Variants in ZNF385D observed in about 807,000 individuals in gnomAD.
ZNF385D encodes zinc finger protein 659.
In ZNF385D, 15 loss-of-function variants were observed where a neutral mutation model predicts 35.8. That is an observed-to-expected ratio of 0.42 (90% CI 0.28 to 0.64). ZNF385D has a LOEUF of 0.64. ZNF385D is among the 30% of genes least tolerant of loss of function. ZNF385D has a pLI of 0.23. For missense variants in ZNF385D, 474 were observed against 494.6 expected (o/e 0.96, Z 0.39); for synonymous variants, 212 against 186.8 (o/e 1.13, Z -1.10).
At chr3:22,029,431 T>C (rs1488052131) in intron 3 of ZNF385D, among the ~76,000 whole-genome samples, 1 of 152,198 alleles carries the variant, frequency 6.6e-6, no homozygotes, top group Non-Finnish European at 1.5e-5. Context: ...AGGTTTGGTT[T>C]ACTCCAGCAG....
At chr3:22,269,857 A>G (rs938627343) in intron 2 of ZNF385D, among the ~76,000 whole-genome samples, 1 of 151,830 alleles carries the variant, frequency 6.6e-6, no homozygotes, top group Non-Finnish European at 1.5e-5. Flanking sequence ...TAAATGGCAA[A>G]TATTGGCTTG....
chr3:22,203,084 TC>T (rs1352735132), intron 2 of ZNF385D, among the ~76,000 whole-genome samples: 6 of 152,044 alleles, frequency 3.9e-5, no homozygotes, highest in Non-Finnish European at 7.4e-5. Flanking sequence ...CTTCTGCTAC[TC>T]CTCCCTCAAT....
chr3:21,989,632 C>G (rs527757608), intron 3 of ZNF385D, among the ~76,000 whole-genome samples: 2 of 152,104 alleles, frequency 1.3e-5, no homozygotes, highest in South Asian at 2.1e-4. Flanking sequence ...CTTGGAAACA[C>G]TGGATGCATG....
chr3:21,798,225 A>G (rs1299798370), intron 3 of ZNF385D, among the ~76,000 whole-genome samples: 3 of 152,182 alleles, frequency 2.0e-5, no homozygotes, highest in Non-Finnish European at 4.4e-5. Context: ...AAAAATACAC[A>G]CAACTCTCTC....
rs528935694 is a variant in ZNF385D at position 21,721,825 on chromosome 3, C to T, written c.22+29070G>A. Among the ~76,000 whole-genome samples, 54 of 152,236 alleles carry T rather than the reference C, an allele frequency of 3.5e-4. 1 individual carries two copies. Among genetic ancestry groups the T allele is most frequent in the South Asian group, 1.9e-3 (9 of 4,816 alleles). ...TCTTAAAGAGATATTTGTGGCCAGGCGCGGTGGCTCACGCCTGTATTCCCA... is the reference window on the plus strand; with the variant it reads ...TCTTAAAGAGATATTTGTGGCCAGGTGCGGTGGCTCACGCCTGTATTCCCA... On this transcript the variant is annotated intron_variant, in intron 1 of 7. Transcript: ENST00000281523.
At chr3:21,908,571 A>C (rs534626984) in intron 3 of ZNF385D, among the ~76,000 whole-genome samples, 36 of 152,118 alleles carry the variant, frequency 2.4e-4, no homozygotes, top group Non-Finnish European at 1.5e-4. Context: ...CAGAAGCACA[A>C]ATCAAGGAAA....
At chr3:21,976,065 G>T (rs1465745094) in intron 3 of ZNF385D, among the ~76,000 whole-genome samples, 1 of 152,100 alleles carries the variant, frequency 6.6e-6, no homozygotes, top group Non-Finnish European at 1.5e-5. Flanking sequence ...CACCTTGAGG[G>T]ATGCACCATG....
At chr3:22,277,760 C>G (rs1052736746) in intron 2 of ZNF385D, among the ~76,000 whole-genome samples, 15 of 152,032 alleles carry the variant, frequency 9.9e-5, no homozygotes, top group African/African-American at 3.1e-4. Context: ...AGATTCATAG[C>G]TCAGGTTACG....
intron 3 of ZNF385D, among the ~76,000 whole-genome samples, chr3:21,894,097 A>G (rs2125886563): frequency 1.3e-5 from 2 of 152,130 alleles, no homozygotes; most frequent in East Asian, 3.8e-4. Flanking sequence ...AACCTCTTAA[A>G]TTTTTAAACT....
intron 2 of ZNF385D, among the ~76,000 whole-genome samples, chr3:22,184,533 T>C (rs933521933): frequency 3.9e-5 from 6 of 152,034 alleles, no homozygotes; most frequent in African/African-American, 4.8e-5. Context: ...GATTCAAGGA[T>C]AGACAAACGG....
At chr3:22,062,301 C>T (rs183294722) in intron 3 of ZNF385D, among the ~76,000 whole-genome samples, 16 of 152,124 alleles carry the variant, frequency 1.1e-4, no homozygotes, top group African/African-American at 2.9e-4. Context: ...GCAATCCACC[C>T]GCCTCAGCCT....
At chr3:22,013,778 T>A (rs968567676) in intron 3 of ZNF385D, among the ~76,000 whole-genome samples, 8 of 152,062 alleles carry the variant, frequency 5.3e-5, no homozygotes, top group South Asian at 2.1e-4. Flanking sequence ...TCAGGGAGCA[T>A]CTGGATCCAT....
intron 3 of ZNF385D, among the ~76,000 whole-genome samples, chr3:21,962,148 G>A (rs1251262947): frequency 1.3e-5 from 2 of 152,126 alleles, no homozygotes; most frequent in East Asian, 3.9e-4. Context: ...GCAACATAAA[G>A]CCAGACAGAA....
At chr3:21,622,049 A>G (rs767927327) in intron 2 of ZNF385D, among the ~76,000 whole-genome samples, 2 of 152,110 alleles carry the variant, frequency 1.3e-5, no homozygotes, top group African/African-American at 2.4e-5. Flanking sequence ...AAGAGACTCA[A>G]CCTGCTAATA....
intron 2 of ZNF385D, among the ~76,000 whole-genome samples, chr3:22,202,446 C>A (rs1219168842): frequency 6.6e-6 from 1 of 151,974 alleles, no homozygotes; most frequent in East Asian, 1.9e-4. Flanking sequence ...AGGTGAGTAA[C>A]AACAGGGTGG....
intron 3 of ZNF385D, among the ~76,000 whole-genome samples, chr3:21,967,876 C>T (rs577766252): frequency 1.3e-5 from 2 of 152,204 alleles, no homozygotes; most frequent in African/African-American, 4.8e-5. Flanking sequence ...GATTGACTAT[C>T]CATACAAAAA....
intron 4 of ZNF385D, among the ~76,000 whole-genome samples, chr3:21,457,397 C>G (rs112943537): frequency 6.6e-6 from 1 of 151,926 alleles, no homozygotes; most frequent in South Asian, 2.1e-4. Flanking sequence ...GTTCTGTCAC[C>G]TAGGCTGGAG....
intron 3 of ZNF385D, among the ~76,000 whole-genome samples, chr3:21,804,098 T>G (rs917134110): frequency 4.6e-5 from 7 of 152,204 alleles, no homozygotes; most frequent in African/African-American, 1.7e-4. Flanking sequence ...AAATCAGTGC[T>G]GCCACAAGGA....
At chr3:22,083,803 A>G (rs915160639) in intron 3 of ZNF385D, among the ~76,000 whole-genome samples, 25 of 152,204 alleles carry the variant, frequency 1.6e-4, no homozygotes, top group African/African-American at 5.8e-4. Flanking sequence ...GGTTGAAATG[A>G]AGGAAAAAAT....
Sources: gnomAD v4.1 joint callset for allele counts (sites outside exome capture counted in the v4.1 genomes callset) on GRCh38, gnomAD v4.1.1 for gene constraint, MANE v1.5 for transcripts, NCBI Gene and HGNC (gene_info 2026-07-23, HGNC 2026-07-21) for gene names.